TDRD12: variants seen among roughly 807,000 people sequenced by gnomAD.
The protein encoded by TDRD12 is putative ATP-dependent RNA helicase TDRD12.
Under a neutral mutation model 133.5 loss-of-function variants are expected in TDRD12, and 158 were observed. That is an observed-to-expected ratio of 1.18 (90% CI 1.04 to 1.35). The LOEUF (loss-of-function observed/expected upper bound fraction) is 1.35. TDRD12 is among the 40% of genes most tolerant of loss of function. The pLI, the probability that TDRD12 is intolerant of heterozygous loss-of-function variation, is 0.00. For missense variants in TDRD12, 1,443 were observed against 1,321.3 expected (o/e 1.09, Z -1.43); for synonymous variants, 460 against 477.9 (o/e 0.96, Z 0.49).
chr19:32,732,026 T>TGAGG, intron 2 of TDRD12, 143 bp downstream of exon 2: 1 of 823,516 alleles, frequency 1.2e-6, no homozygotes, highest in Non-Finnish European at 1.8e-6. Context: ...TTTTTTGAGA[T>TGAGG]GGAGTCTCGC....
chr19:32,817,018 G>GGGCAGGGATGAGAGT (rs1379482858), intron 26 of TDRD12, among the ~76,000 whole-genome samples: 1 of 152,276 alleles, frequency 6.6e-6, no homozygotes, highest in African/African-American at 2.4e-5. Context: ...CACCAAGTGT[G>GGGCAGGGATGAGAGT]GGCAGGGATG....
At chr19:32,812,257 G>A (rs1967032069) in intron 24 of TDRD12, among the ~76,000 whole-genome samples, 2 of 152,242 alleles carry the variant, frequency 1.3e-5, no homozygotes, top group South Asian at 4.1e-4. Context: ...TGTCCAGGTG[G>A]GGTGGGAAGG....
chr19:32,787,472 G>A (rs1970940798), intron 11 of TDRD12, among the ~76,000 whole-genome samples: 1 of 152,194 alleles, frequency 6.6e-6, no homozygotes, highest in Admixed American at 6.5e-5. Flanking sequence ...AGGCAGGGAC[G>A]TTTAAGTCTG....
rs1322474570 is a variant in TDRD12, at chr19:32,777,147, A to G, written c.1041-2A>G. 21 of 1,525,914 alleles carry G rather than the reference A, an allele frequency of 1.4e-5. No individual in the cohort carries two copies. Among genetic ancestry groups the G allele is most frequent in the Non-Finnish European group, 1.8e-5 (20 of 1,136,458 alleles). The allele number at this position is 1,525,914 out of a possible 1,614,324, so 94.5% of individuals were successfully genotyped here. A position where few individuals can be genotyped will look rare whatever the true frequency, so the allele number is the denominator to read the frequency against. ...TAATGAATTTTTTTTTTTCATTTCT[A>G]GTGCTTTAAGTCAGAAGTCAAATGA... On this transcript the variant is annotated splice_acceptor_variant, in intron 10 of 27. Coordinates refer to ENST00000444215, the Ensembl canonical transcript of TDRD12. LOFTEE classifies it high-confidence loss of function.
intron 10 of TDRD12, among the ~76,000 whole-genome samples, chr19:32,775,417 A>T (rs571851468): frequency 9.9e-5 from 15 of 152,216 alleles, no homozygotes; most frequent in African/African-American, 3.6e-4. Context: ...TATAGCCTTA[A>T]ACTCCTGGGC....
At chr19:32,810,556 T>C in intron 23 of TDRD12, among the ~76,000 whole-genome samples, 1 of 152,242 alleles carries the variant, frequency 6.6e-6, no homozygotes, top group East Asian at 1.9e-4. Flanking sequence ...CAAGTGGGCA[T>C]CATTCCCATT....
intron 11 of TDRD12, among the ~76,000 whole-genome samples, chr19:32,780,038 T>C (rs905203801): frequency 5.9e-5 from 9 of 152,126 alleles, no homozygotes; most frequent in Non-Finnish European, 1.3e-4. Flanking sequence ...TGCCCACTGA[T>C]TGAAGATGGA....
intron 6 of TDRD12, among the ~76,000 whole-genome samples, chr19:32,754,479 C>T (rs544614942): frequency 9.2e-5 from 14 of 152,112 alleles, no homozygotes; most frequent in South Asian, 4.2e-4. Context: ...CAAAAAAAAC[C>T]GCCAAAATAT....
intron 8 of TDRD12, among the ~76,000 whole-genome samples, chr19:32,761,350 T>C (rs529812214): frequency 6.6e-6 from 1 of 152,276 alleles, no homozygotes; most frequent in Non-Finnish European, 1.5e-5. Context: ...CAGGATGGTC[T>C]CGATCTCCTG....
At chr19:32,791,205 G>A (rs1325069514) in intron 13 of TDRD12, 137 bp downstream of exon 13, 11 of 923,994 alleles carry the variant, frequency 1.2e-5, no homozygotes, top group Non-Finnish European at 1.7e-5. Flanking sequence ...TGAGATTACA[G>A]GCATGAGCCA....
chr19:32,722,790 C>T (rs531933955), intron 1 of TDRD12, among the ~76,000 whole-genome samples: 2 of 151,848 alleles, frequency 1.3e-5, no homozygotes, highest in Admixed American at 1.3e-4. Flanking sequence ...AGCGATTCTC[C>T]TGCCTCAGCC....
downstream of TDRD12, chr19:32,829,543 A>G (rs1967690134): frequency 1.3e-5 from 2 of 152,260 alleles, no homozygotes; most frequent in South Asian, 4.1e-4. Flanking sequence ...TGTCTTCCGC[A>G]GTGTATCATC....
chr19:32,742,782 A>G (rs1221667883), exon 4 of TDRD12: 28 of 1,551,286 alleles, frequency 1.8e-5, no homozygotes, highest in Non-Finnish European at 2.4e-5. Flanking sequence ...ACTTTTTAGC[A>G]TCCGAGTTGT....
chr19:32,725,319 T>C (rs71464772), intron 1 of TDRD12, among the ~76,000 whole-genome samples: 90,487 of 151,644 alleles, frequency 0.6, 28,097 homozygotes, highest in East Asian at 0.82. Flanking sequence ...CCTAGATTTT[T>C]TTCTAGGGTT....
Position 32,743,790 on chromosome 19 carries a change from A to C in TDRD12, c.440+890A>C, listed in dbSNP as rs372806537. 3.3e-4 allele frequency among the ~76,000 whole-genome samples: 51 copies of C among 152,266 alleles called. No individual in the cohort carries two copies. In the East Asian group the frequency reaches 9.1e-3, roughly 27 times the overall value. On this transcript the variant is annotated intron_variant, in intron 4 of 27. Coordinates refer to ENST00000444215, the Ensembl canonical transcript of TDRD12. ...ACACCTGTAATTCCAGCACTTTGGG[A>C]GGCCAAGGCATGGGAATCACCTGAG...
chr19:32,784,587 G>C (rs1046318978), intron 11 of TDRD12, among the ~76,000 whole-genome samples: 2 of 152,136 alleles, frequency 1.3e-5, no homozygotes, highest in African/African-American at 2.4e-5. Context: ...TTCTACCTCT[G>C]GTAGAATTCG....
chr19:32,814,872 C>T (rs1409269151), intron 25 of TDRD12, among the ~76,000 whole-genome samples: 2 of 152,286 alleles, frequency 1.3e-5, no homozygotes, highest in Non-Finnish European at 2.9e-5. Flanking sequence ...GCCTGGAGCA[C>T]CCCCCACCCT....
chr19:32,752,701 C>G (rs528063525), intron 6 of TDRD12, among the ~76,000 whole-genome samples: 83 of 151,558 alleles, frequency 5.5e-4, no homozygotes, highest in Middle Eastern at 3.4e-3. Context: ...TGTGCCCCAT[C>G]ATTACTTGAA....
At chr19:32,814,185 C>T (rs568772497) in intron 25 of TDRD12, among the ~76,000 whole-genome samples, 23 of 152,216 alleles carry the variant, frequency 1.5e-4, no homozygotes, top group Middle Eastern at 3.4e-3. Flanking sequence ...GCAAAGCAGA[C>T]GAAGCCCCCA....
Sources: allele counts gnomAD v4.1 joint callset (sites outside exome capture counted in the v4.1 genomes callset), GRCh38; gene constraint gnomAD v4.1.1; transcripts MANE v1.5; gene names NCBI Gene and HGNC (gene_info 2026-07-23, HGNC 2026-07-21).